Variants in SLC38A1 observed in about 807,000 individuals in gnomAD.
The protein encoded by SLC38A1 is sodium-coupled neutral amino acid symporter 1.
In SLC38A1, 18 loss-of-function variants were observed where a neutral mutation model predicts 60.3. That is an observed-to-expected ratio of 0.30 (90% confidence interval 0.21 to 0.44). SLC38A1 has a LOEUF of 0.44. SLC38A1 is among the 20% of genes least tolerant of loss of function. The pLI is 1.00. For synonymous variants in SLC38A1, 196 were observed against 212.1 expected (o/e 0.92, Z 0.66); for missense variants, 448 against 587.2 (o/e 0.76, Z 2.45).
At chr12:46,223,431 ATC>A (rs765168895) in intron 5 of SLC38A1, among the ~76,000 whole-genome samples, 61 of 147,662 alleles carry the variant, frequency 4.1e-4, no homozygotes, top group Non-Finnish European at 5.9e-4. Flanking sequence ...CACTCTCTCC[ATC>A]TCTCTTTCTC....
At chr12:46,207,014 A>G (rs1939936574) in intron 8 of SLC38A1, 141 bp downstream of exon 8, 11 of 618,654 alleles carry the variant, frequency 1.8e-5, no homozygotes, top group Admixed American at 9.6e-5. Context: ...GCCCCAAAGA[A>G]ATTTATTGTT....
chr12:46,201,238 C>T (rs1013644516), intron 12 of SLC38A1, 40 bp from the exon 13 acceptor site: 1 of 1,505,774 alleles, frequency 6.6e-7, no homozygotes. Context: ...AATCATATGA[C>T]TGAATTTAAG....
At chr12:46,202,946 C>T in intron 12 of SLC38A1, 64 bp downstream of exon 12, 1 of 1,234,772 alleles carries the variant, frequency 8.1e-7, no homozygotes, top group Non-Finnish European at 1.2e-6. Flanking sequence ...ATTTTAATTG[C>T]ATACTTGCCT....
At chr12:46,219,666 T>C (rs1470350824) in intron 5 of SLC38A1, among the ~76,000 whole-genome samples, 2 of 152,190 alleles carry the variant, frequency 1.3e-5, no homozygotes, top group South Asian at 4.1e-4. Context: ...ACCTTGAAAA[T>C]CCAACTCTCT....
intron 16 of SLC38A1, among the ~76,000 whole-genome samples, chr12:46,191,660 G>A (rs1026314384): frequency 2.6e-5 from 4 of 152,154 alleles, no homozygotes; most frequent in Non-Finnish European, 5.9e-5. Context: ...TCCCTTGTAA[G>A]TCGGCTTCCT....
intron 3 of SLC38A1, among the ~76,000 whole-genome samples, chr12:46,236,800 T>C (rs1161665190): frequency 8.5e-5 from 13 of 152,278 alleles, no homozygotes; most frequent in Admixed American, 3.9e-4. Context: ...ACCTGGGAAT[T>C]TGCTAGGAAT....
In SLC38A1 at chr12:46,239,702, T is replaced by C. The variant is rs188023957; in HGVS notation, c.99A>G (p.Glu33=). The part of the protein sequence containing the change: ...NISNDSNDFT[E]VENGQINSKF... The stretch of plus-strand genomic sequence containing the variant: ...ACCTATTTATCTGACCATTTTCTAC[T>C]TCGGTGAAATCATTGGAGTCATTGC... The change falls in exon 3 of 17, where the codon GAA becomes GAG. Residue 33 remains glutamate (E), a synonymous_variant. Coordinates refer to ENST00000398637, the MANE Select transcript of SLC38A1 (RefSeq NM_030674.4). The C allele has an allele frequency of 6.2e-7, 1 of 1,613,806 alleles. No homozygotes were observed. Among genetic ancestry groups the C allele is most frequent in the East Asian group, 2.2e-5 (1 of 44,878 alleles).
intron 5 of SLC38A1, among the ~76,000 whole-genome samples, chr12:46,224,460 A>G (rs1463409476): frequency 6.6e-6 from 1 of 152,166 alleles, no homozygotes; most frequent in Non-Finnish European, 1.5e-5. Flanking sequence ...TCATCCAAGA[A>G]AAAGAAATCG....
Position 46,185,757 on chromosome 12 carries a change from T to A in SLC38A1, c.*3213A>T, listed in dbSNP as rs1261079045. 6.6e-6 allele frequency: 1 copy of A among 152,174 alleles called. No individual in the cohort carries two copies. Among genetic ancestry groups the A allele is most frequent in the African/African-American group, 2.4e-5 (1 of 41,380 alleles). 9.4% of individuals were successfully genotyped at this position (152,174 alleles called of 1,614,324 possible). ...GATGTCCCTGGAGGTTTCTGACCCATGAGAGGCCCCCTCACCCTCCTTCAC... is the reference window on the plus strand; with the variant it reads ...GATGTCCCTGGAGGTTTCTGACCCAAGAGAGGCCCCCTCACCCTCCTTCAC... On this transcript the variant is annotated 3_prime_UTR_variant, in exon 17 of 17. Transcript: ENST00000398637.
chr12:46,263,336 T>C (rs542410484), intron 1 of SLC38A1, among the ~76,000 whole-genome samples: 8 of 152,166 alleles, frequency 5.3e-5, no homozygotes, highest in Non-Finnish European at 1.2e-4. Context: ...AGAACACATG[T>C]CCCATCTATT....
At chr12:46,255,407 C>A (rs1219052492) in intron 1 of SLC38A1, among the ~76,000 whole-genome samples, 1 of 152,102 alleles carries the variant, frequency 6.6e-6, no homozygotes, top group Non-Finnish European at 1.5e-5. Flanking sequence ...ATGAATAATA[C>A]CCCTTTAGTT....
intron 1 of SLC38A1, among the ~76,000 whole-genome samples, chr12:46,252,486 T>C (rs1941883538): frequency 6.6e-6 from 1 of 151,968 alleles, no homozygotes; most frequent in Non-Finnish European, 1.5e-5. Context: ...ATAATATATA[T>C]ACCCTAGAAG....
intron 5 of SLC38A1, among the ~76,000 whole-genome samples, chr12:46,228,590 C>T (rs898578903): frequency 3.3e-5 from 5 of 152,178 alleles, no homozygotes; most frequent in Admixed American, 6.5e-5. Flanking sequence ...GCCCTCCATA[C>T]ATTTGCAGAA....
At chr12:46,219,950 C>T (rs7953774) in intron 5 of SLC38A1, among the ~76,000 whole-genome samples, 27,465 of 152,172 alleles carry the variant, frequency 0.18, 4,148 homozygotes, top group East Asian at 0.45. Flanking sequence ...CGCATGTGCG[C>T]GCACACACAC....
intron 5 of SLC38A1, among the ~76,000 whole-genome samples, chr12:46,213,859 A>C (rs1422138125): frequency 1.3e-5 from 2 of 152,212 alleles, no homozygotes; most frequent in Admixed American, 6.5e-5. Context: ...ATTTACCTTC[A>C]ACATCAAACA....
chr12:46,209,412 T>C (rs1404353429), intron 5 of SLC38A1, among the ~76,000 whole-genome samples: 1 of 152,136 alleles, frequency 6.6e-6, no homozygotes, highest in African/African-American at 2.4e-5. Flanking sequence ...TAAAACAACA[T>C]TATGAAAGAA....
At chr12:46,210,423 T>C (rs1940107467) in intron 5 of SLC38A1, among the ~76,000 whole-genome samples, 1 of 152,120 alleles carries the variant, frequency 6.6e-6, no homozygotes, top group Admixed American at 6.5e-5. Context: ...ACACTTTGGG[T>C]AGAGGCCCAA....
rs1019653962 is a variant in SLC38A1, at chr12:46,183,792, C to G, written c.*5178G>C. 1.3e-5 allele frequency: 2 copies of G among 152,172 alleles called. No individual in the cohort carries two copies. Among genetic ancestry groups the G allele is most frequent in the African/African-American group, 4.8e-5 (2 of 41,458 alleles). 9.4% of individuals were successfully genotyped at this position (152,172 alleles called of 1,614,324 possible). A position where few individuals can be genotyped will look rare whatever the true frequency, so the allele number is the denominator to read the frequency against. ...GAAATCAAGGGAACTATTTCTCAGACATTTCTTTCTCTAAATTAAGTAGGG... is the reference window on the plus strand; with the variant it reads ...GAAATCAAGGGAACTATTTCTCAGAGATTTCTTTCTCTAAATTAAGTAGGG... On this transcript the variant is annotated 3_prime_UTR_variant, in exon 17 of 17. Coordinates refer to ENST00000398637, the MANE Select transcript of SLC38A1 (RefSeq NM_030674.4).
At chr12:46,198,525 A>C in intron 14 of SLC38A1, 100 bp downstream of exon 14, 1 of 750,364 alleles carries the variant, frequency 1.3e-6, no homozygotes, top group Non-Finnish European at 2.2e-6. Context: ...ATAACCCAGG[A>C]AAGTTACCTG....
Sources: gnomAD v4.1 joint callset for allele counts (sites outside exome capture counted in the v4.1 genomes callset) on GRCh38, gnomAD v4.1.1 for gene constraint, MANE v1.5 for transcripts, NCBI Gene and HGNC (gene_info 2026-07-23, HGNC 2026-07-21) for gene names.